The following ANKRD26 variants were observed in gnomAD, a reference collection of about 807,000 sequenced individuals.
ANKRD26 encodes ankyrin repeat domain-containing protein 26.
Under a neutral mutation model 208.7 loss-of-function variants are expected in ANKRD26, and 141 were observed. The observed-to-expected ratio is 0.68, with a 90% CI of 0.59 to 0.78. ANKRD26 has a LOEUF of 0.78. ANKRD26 is among the 30% of genes least tolerant of loss of function. The pLI is 0.00. For missense variants in ANKRD26, 1,889 were observed against 1,938.7 expected (o/e 0.97, Z 0.48); for synonymous variants, 636 against 660.4 (o/e 0.96, Z 0.57).
intron 15 of ANKRD26, 103 bp downstream of exon 15, chr10:27,060,242 G>T: frequency 1.7e-6 from 2 of 1,160,526 alleles, no homozygotes; most frequent in Non-Finnish European, 2.5e-6. Flanking sequence ...CAACAAATTT[G>T]GAGAAAAAAA....
At chr10:27,080,673 T>C (rs2055875522) in intron 6 of ANKRD26, 2 of 985,482 alleles carry the variant, frequency 2.0e-6, no homozygotes, top group South Asian at 4.7e-5. Context: ...CAGGGCTCCA[T>C]AGCATCTCCA....
intron 25 of ANKRD26, chr10:27,030,611 A>G (rs2053834239): frequency 1.0e-6 from 1 of 984,822 alleles, no homozygotes; most frequent in Non-Finnish European, 1.2e-6. Flanking sequence ...CTACGTAATA[A>G]AGAAATGGAA....
At chr10:27,082,936 C>G in intron 5 of ANKRD26, 103 bp from the exon 6 acceptor site, 2 of 1,417,720 alleles carry the variant, frequency 1.4e-6, no homozygotes, top group Non-Finnish European at 1.9e-6. Context: ...CCCTCTGGGA[C>G]CATATCTGGA....
chr10:26,976,723 C>G (rs1035653007), intron 5 of ANKRD26, among the ~76,000 whole-genome samples: 7 of 152,104 alleles, frequency 4.6e-5, no homozygotes, highest in Non-Finnish European at 8.8e-5. Flanking sequence ...GTCACACAAG[C>G]TCACTGCGTG....
At chr10:26,974,723 GT>G (rs1373228296) in exon 6 of ANKRD26, among the ~76,000 whole-genome samples, 1 of 152,146 alleles carries the variant, frequency 6.6e-6, no homozygotes, top group African/African-American at 2.4e-5. Context: ...TGCAGTTTTT[GT>G]TTATCTACAA....
intron 29 of ANKRD26, among the ~76,000 whole-genome samples, chr10:27,022,356 A>C (rs1342822981): frequency 6.6e-6 from 1 of 152,182 alleles, no homozygotes; most frequent in Non-Finnish European, 1.5e-5. Flanking sequence ...TCTGTTTAAC[A>C]AACACCCGTG....
At chr10:26,986,345 A>T (rs2052386819) in intron 3 of ANKRD26, among the ~76,000 whole-genome samples, 2 of 152,120 alleles carry the variant, frequency 1.3e-5, no homozygotes, top group Admixed American at 1.3e-4. Context: ...AACCTAGGCA[A>T]TACCATTCAG....
At chr10:26,982,329 G>A (rs570129766) in intron 4 of ANKRD26, among the ~76,000 whole-genome samples, 6 of 152,154 alleles carry the variant, frequency 3.9e-5, no homozygotes, top group Non-Finnish European at 8.8e-5. Flanking sequence ...ATAGGAGGCG[G>A]GTTGGTGTGA....
intron 31 of ANKRD26, among the ~76,000 whole-genome samples, chr10:27,013,964 T>G (rs1457605180): frequency 6.6e-6 from 1 of 152,204 alleles, no homozygotes; most frequent in African/African-American, 2.4e-5. Context: ...TCATTCCCTA[T>G]TTCACTAGCA....
intron 9 of ANKRD26, among the ~76,000 whole-genome samples, chr10:27,070,397 C>T (rs1479871138): frequency 1.3e-5 from 2 of 152,040 alleles, no homozygotes; most frequent in Admixed American, 1.3e-4. Flanking sequence ...AAGACTCCGT[C>T]TCAAAAAACA....
chr10:27,012,716 GA>G (rs1044944425), intron 32 of ANKRD26, among the ~76,000 whole-genome samples, 165 bp downstream of exon 32: 1 of 152,122 alleles, frequency 6.6e-6, no homozygotes, highest in African/African-American at 2.4e-5. Context: ...GAGAGGCTAA[GA>G]CACAAGAATT....
At chr10:27,034,441 C>T (rs2053977405) in intron 24 of ANKRD26, among the ~76,000 whole-genome samples, 1 of 152,126 alleles carries the variant, frequency 6.6e-6, no homozygotes, top group African/African-American at 2.4e-5. Flanking sequence ...TAAGCATTTC[C>T]ATTTATCTGT....
At chr10:27,029,244 T>C (rs765030276) in intron 26 of ANKRD26, 42 bp downstream of exon 26, 1 of 1,566,074 alleles carries the variant, frequency 6.4e-7, no homozygotes, top group South Asian at 1.1e-5. Flanking sequence ...TTATTTGCTC[T>C]ATAAATAATC....
chr10:26,963,967 AG>A, the ANKRD26 span, among the ~76,000 whole-genome samples: 1 of 124,104 alleles, frequency 8.1e-6, no homozygotes, highest in Non-Finnish European at 1.5e-5. Context: ...GCTGGAGTGC[AG>A]TGATGCGTTC....
At chr10:27,074,681 G>T (rs1012135074) in intron 9 of ANKRD26, among the ~76,000 whole-genome samples, 1 of 151,526 alleles carries the variant, frequency 6.6e-6, no homozygotes, top group Non-Finnish European at 1.5e-5. Context: ...CTCGAGGGGG[G>T]AAAAGAAAAA....
chr10:27,010,810 C>T (rs34052005), intron 32 of ANKRD26, among the ~76,000 whole-genome samples: 14,275 of 152,156 alleles, frequency 0.094, 802 homozygotes, highest in East Asian at 0.28. Flanking sequence ...ACCCGGCCTA[C>T]ACAAGTATTT....
downstream of ANKRD26, among the ~76,000 whole-genome samples, chr10:26,971,125 C>G (rs1354575885): frequency 6.6e-6 from 1 of 152,244 alleles, no homozygotes; most frequent in African/African-American, 2.4e-5. Context: ...GTGGCTCACA[C>G]CTGTAATCCC....
intron 1 of ANKRD26, among the ~76,000 whole-genome samples, chr10:27,097,912 C>T (rs1166008701): frequency 6.6e-6 from 1 of 152,180 alleles, no homozygotes; most frequent in African/African-American, 2.4e-5. Context: ...CTCAGCCTCC[C>T]AAAGTGCTGG....
chr10:27,033,162 T>TA, intron 25 of ANKRD26, 63 bp downstream of exon 25: 1 of 1,354,660 alleles, frequency 7.4e-7, no homozygotes, highest in Non-Finnish European at 1.0e-6. Context: ...ATTAGTATGA[T>TA]AAAACACTAT....
Sources: gnomAD v4.1 joint callset for allele counts (sites outside exome capture counted in the v4.1 genomes callset) on GRCh38, gnomAD v4.1.1 for gene constraint, MANE v1.5 for transcripts, NCBI Gene and HGNC (gene_info 2026-07-23, HGNC 2026-07-21) for gene names.